APLP2: variants seen among roughly 807,000 people sequenced by gnomAD.
APLP2 encodes the protein CDEI box-binding protein.
Under a neutral mutation model 89.9 loss-of-function variants are expected in APLP2, and 53 were observed. That is an observed-to-expected ratio of 0.59 (90% CI 0.47 to 0.74). APLP2 has a LOEUF of 0.74. APLP2 is among the 30% of genes least tolerant of loss of function. APLP2 has a pLI of 0.00. For missense variants in APLP2, 973 were observed against 975.9 expected, an observed-to-expected ratio of 1.00 and a Z score of 0.04; for synonymous variants, 372 against 348.6, an observed-to-expected ratio of 1.07 and a Z score of -0.75.
Position 130,110,678 on chromosome 11 carries a change from A to G in APLP2, c.403+17A>G. The G allele has an allele frequency of 1.3e-6, 2 of 1,597,662 alleles. No homozygotes were observed. Among genetic ancestry groups the G allele is most frequent in the Non-Finnish European group, 1.7e-6 (2 of 1,174,646 alleles). ...AGTGTCTCGGTGAGTGTTCTTGGTT[A>G]CTTTTCAGGAAGTGCCAGCCCCCTC... is the stretch of plus-strand genomic sequence containing the variant. On this transcript the variant is annotated intron_variant, in intron 3 of 16. Transcript: ENST00000338167.
rs985127991 is a variant in APLP2 at position 130,118,753 on chromosome 11, G to A, written c.404-1953G>A. ...CTTTTAAGTCTCGTTGATTGCTAAA[G>A]CCTGTTTGCAGGTACTGCCTCCCCT... On this transcript the variant is annotated intron_variant, in intron 3 of 16. Coordinates refer to ENST00000338167, the MANE Select transcript of APLP2 (RefSeq NM_001142276.2). 3.3e-5 allele frequency among the ~76,000 whole-genome samples: 5 copies of A among 152,290 alleles called. No homozygotes were observed. In the East Asian group the frequency reaches 9.6e-4, roughly 29 times the overall value.
chr11:130,130,347 A>G (rs1225677371), intron 11 of APLP2, among the ~76,000 whole-genome samples, 181 bp downstream of exon 11: 1 of 152,238 alleles, frequency 6.6e-6, no homozygotes, highest in East Asian at 1.9e-4. Context: ...TGTTTTTAAA[A>G]CATCTTTTTA....
intron 3 of APLP2, among the ~76,000 whole-genome samples, chr11:130,113,224 C>A (rs1488446098): frequency 6.6e-6 from 1 of 152,182 alleles, no homozygotes; most frequent in Non-Finnish European, 1.5e-5. Flanking sequence ...ACGATAATTA[C>A]AACACAAAAA....
intron 1 of APLP2, among the ~76,000 whole-genome samples, chr11:130,077,531 T>C (rs1942341769): frequency 6.6e-6 from 1 of 152,036 alleles, no homozygotes; most frequent in Non-Finnish European, 1.5e-5. Flanking sequence ...CCACATAGGA[T>C]AGTTAAACAT....
chr11:130,122,315 A>G lies in APLP2; in HGVS notation c.724A>G (p.Thr242Ala), dbSNP rs1326818163. The G allele has an allele frequency of 6.2e-7, 1 of 1,613,946 alleles. No homozygotes were observed. Among genetic ancestry groups the G allele is most frequent in the South Asian group, 1.1e-5 (1 of 91,068 alleles). Reference protein sequence around the residue: ...DYDVYKSEFPTEADLEDFTEA... With the variant: ...DYDVYKSEFPAEADLEDFTEA... ...TATTTTGGCCTTCAGTGAATTTCCT[A>G]CTGAAGCAGATCTGGAAGACTTCAC... Residue 242 changes from threonine (T) to alanine (A), a missense_variant, in exon 6 of 17, where the codon ACT becomes GCT. Thr to Ala is a moderately conservative substitution (Grantham distance 58). Transcript: ENST00000338167.
intron 1 of APLP2, among the ~76,000 whole-genome samples, chr11:130,084,891 GAT>G (rs1261674889): frequency 1.3e-5 from 2 of 152,026 alleles, no homozygotes; most frequent in Non-Finnish European, 2.9e-5. Context: ...TTTTTGAAAA[GAT>G]AAGCAAAATT....
At chr11:130,071,644 T>G (rs971925935) in intron 1 of APLP2, among the ~76,000 whole-genome samples, 1 of 152,226 alleles carries the variant, frequency 6.6e-6, no homozygotes, top group Non-Finnish European at 1.5e-5. Context: ...AGTAGAAGAC[T>G]CAGCAGTTTT....
intron 1 of APLP2, among the ~76,000 whole-genome samples, chr11:130,090,898 C>CCG (rs1491518201): frequency 2.7e-5 from 2 of 74,670 alleles, no homozygotes; most frequent in African/African-American, 1.8e-4. Context: ...GGGGGGCTGA[C>CCG]CCCCCCCATC....
At chr11:130,135,416 G>T in intron 12 of APLP2, 147 bp from the exon 13 acceptor site, 1 of 922,520 alleles carries the variant, frequency 1.1e-6, no homozygotes, top group Non-Finnish European at 1.6e-6. Flanking sequence ...CCCTGGTGTT[G>T]GGGCTCTGTG....
chr11:130,115,337 C>T (rs1206792889), intron 3 of APLP2, among the ~76,000 whole-genome samples: 1 of 151,970 alleles, frequency 6.6e-6, no homozygotes, highest in African/African-American at 2.4e-5. Flanking sequence ...TACTTATATG[C>T]ATGGGTGTTG....
chr11:130,139,154 C>T (rs137989837), intron 13 of APLP2: 4 of 152,284 alleles, frequency 2.6e-5, no homozygotes, highest in African/African-American at 9.6e-5. Flanking sequence ...AGAATCTAGT[C>T]GTGCAAGTCT....
intron 1 of APLP2, among the ~76,000 whole-genome samples, chr11:130,073,496 A>G (rs577107931): frequency 6.6e-6 from 1 of 152,338 alleles, no homozygotes; most frequent in East Asian, 1.9e-4. Context: ...TGTTAGAACA[A>G]TTTTGAATGT....
chr11:130,105,966 G>A (rs1017902669), intron 1 of APLP2, among the ~76,000 whole-genome samples: 2 of 152,014 alleles, frequency 1.3e-5, no homozygotes, highest in Admixed American at 6.5e-5. Context: ...GCCTCCCAAA[G>A]TGCTGAGATT....
At position 130,092,365 on chromosome 11, in the gene APLP2, G is replaced by T. The variant is rs1319886010; in HGVS notation, c.106-17064G>T. Among the ~76,000 whole-genome samples the T allele has an allele frequency of 5.3e-5, 6 of 112,700 alleles. No homozygotes were observed. The East Asian group carries it at 1.9e-3, about 35-fold the overall frequency. 73.9% of individuals were successfully genotyped at this position (112,700 alleles called of 152,430 possible). On this transcript the variant is annotated intron_variant, in intron 1 of 16. Transcript: ENST00000338167. ...AATCTCGGCACTTTGGGAGGCCAAGGCAGGCGGCTGGGAGGTGTAGGTTGT... is the reference window on the plus strand; with the variant it reads ...AATCTCGGCACTTTGGGAGGCCAAGTCAGGCGGCTGGGAGGTGTAGGTTGT...
Position 130,073,487 on chromosome 11 carries a change from G to A in APLP2, c.105+3405G>A, listed in dbSNP as rs534240788. 8.5e-5 allele frequency among the ~76,000 whole-genome samples: 13 copies of A among 152,254 alleles called. No individual in the cohort carries two copies. The South Asian group carries it at 2.7e-3, about 32-fold the overall frequency. ...GCCCAACATGCTCTTAAGTATTTTT[G>A]TTAGAACAATTTTGAATGTGTTGAT... On this transcript the variant is annotated intron_variant, in intron 1 of 16. Transcript: ENST00000338167.
At chr11:130,115,006 G>T (rs1397404062) in intron 3 of APLP2, among the ~76,000 whole-genome samples, 3 of 152,022 alleles carry the variant, frequency 2.0e-5, no homozygotes, top group Non-Finnish European at 2.9e-5. Context: ...CCCTGTGCAA[G>T]GTGAATGTTC....
intron 12 of APLP2, among the ~76,000 whole-genome samples, chr11:130,134,100 A>G (rs745950224): frequency 5.9e-5 from 9 of 152,186 alleles, no homozygotes; most frequent in Admixed American, 2.6e-4. Flanking sequence ...CCCGGTCTTT[A>G]TCTTCTTCAT....
chr11:130,116,719 G>GC (rs1325591729), intron 3 of APLP2, among the ~76,000 whole-genome samples: 29 of 151,982 alleles, frequency 1.9e-4, no homozygotes, highest in Admixed American at 1.9e-3. Context: ...TGATCCACCT[G>GC]CCTCAGCCTC....
chr11:130,122,131 A>C (rs1185533037), intron 5 of APLP2, among the ~76,000 whole-genome samples, 174 bp from the exon 6 acceptor site: 5 of 152,210 alleles, frequency 3.3e-5, no homozygotes, highest in Admixed American at 3.3e-4. Context: ...AAATGTTCAC[A>C]AATACTTCCC....
Sources: gnomAD v4.1 joint callset for allele counts (sites outside exome capture counted in the v4.1 genomes callset) on GRCh38, gnomAD v4.1.1 for gene constraint, MANE v1.5 for transcripts, NCBI Gene and HGNC (gene_info 2026-07-23, HGNC 2026-07-21) for gene names.